The following FAT1 variants were observed in gnomAD, a reference collection of about 807,000 sequenced individuals.
FAT1 encodes FAT atypical cadherin 1.
Under a neutral mutation model 329.8 loss-of-function variants are expected in FAT1, and 171 were observed. The observed-to-expected ratio is 0.52, with a 90% CI of 0.46 to 0.59. FAT1 has a LOEUF of 0.59. Among genes scored for constraint, FAT1 ranks in the 20% least tolerant of loss-of-function variants. The pLI is 0.00. For synonymous variants in FAT1, 2,233 were observed against 2,228.6 expected (o/e 1.00, Z -0.06); for missense variants, 5,672 against 5,774.4 (o/e 0.98, Z 0.57).
chr4:186,617,134 T>C lies in FAT1; in HGVS notation c.8946A>G (p.Lys2982=), dbSNP rs1398594851. Residue 2982 remains lysine (K), a synonymous_variant, in exon 11 of 27, where the codon AAA becomes AAG. Coordinates refer to ENST00000441802, the MANE Select transcript of FAT1 (RefSeq NM_005245.4). ...IQNEWKVYVK[K]PLDREKRDNY... is the part of the protein sequence containing the mutation. ...TGTCCCTTTTTTCCCTGTCTAGAGG[T>C]TTCTTCACATATACCTTCCATTCAT... 1.2e-6 allele frequency: 2 copies of C among 1,613,714 alleles called. No individual in the cohort carries two copies. Among genetic ancestry groups the C allele is most frequent in the South Asian group, 2.2e-5 (2 of 91,064 alleles).
chr4:186,614,374 T>C (rs988912337), intron 11 of FAT1, 30 bp from the exon 12 acceptor site: 2 of 1,450,534 alleles, frequency 1.4e-6, no homozygotes, highest in Non-Finnish European at 1.8e-6. Context: ...AAACGTTACA[T>C]AAAAGCATTA....
intron 2 of FAT1, among the ~76,000 whole-genome samples, chr4:186,688,644 ACC>A (rs55969318): frequency 0.55 from 67,963 of 123,552 alleles, 16,892 homozygotes; most frequent in Middle Eastern, 0.59. Context: ...CAGCAAGAGT[ACC>A]CCCCCCGCCC....
In FAT1 at chr4:186,606,066, C is replaced by T. The variant is rs1402876880; in HGVS notation, c.10350+4G>A. The T allele has an allele frequency of 6.2e-7, 1 of 1,612,166 alleles. No individual in the cohort carries two copies. Among genetic ancestry groups the T allele is most frequent in the Admixed American group, 1.7e-5 (1 of 59,868 alleles). ...CCAGGACCACCTTGGCACTCGAAGC[C>T]CACCTGGATAATGACACTGTAGTTT... On this transcript the variant is annotated splice_donor_region_variant and intron_variant, in intron 17 of 26. Transcript: ENST00000441802.
intron 4 of FAT1, among the ~76,000 whole-genome samples, chr4:186,639,347 TCAAAAA>T (rs1740988222): frequency 6.6e-6 from 1 of 152,018 alleles, no homozygotes; most frequent in Non-Finnish European, 1.5e-5. Context: ...TAAATATATC[TCAAAAA>T]CATAATAGTA....
chr4:186,661,639 C>T (rs1405750639), intron 3 of FAT1, among the ~76,000 whole-genome samples: 1 of 152,198 alleles, frequency 6.6e-6, no homozygotes, highest in Non-Finnish European at 1.5e-5. Context: ...CTTCATCTGG[C>T]TGTTTATTTG....
rs183210911 is a variant in FAT1, at chr4:186,636,288, C to T, written c.3973-53G>A. On this transcript the variant is annotated intron_variant, in intron 5 of 26. Transcript: ENST00000441802. Reference sequence around the variant, plus strand: ...AAACAGCAAATCAGGAGTTACAACCCAGAAATGAATGAAGCACAGACTGGT... The same window carrying T: ...AAACAGCAAATCAGGAGTTACAACCTAGAAATGAATGAAGCACAGACTGGT... The T allele has an allele frequency of 3.3e-5, 50 of 1,517,220 alleles. No individual in the cohort carries two copies. In the African/African-American group the frequency reaches 6.3e-4, roughly 19 times the overall value. The allele number at this position is 1,517,220 out of a possible 1,614,324, so 94.0% of individuals were successfully genotyped here.
intron 3 of FAT1, among the ~76,000 whole-genome samples, chr4:186,640,826 C>CA (rs1332658136): frequency 2.6e-5 from 4 of 152,184 alleles, no homozygotes; most frequent in African/African-American, 9.7e-5. Context: ...CTCCCCTAAG[C>CA]ACTAAAATGT....
chr4:186,601,887 G>A lies in FAT1; in HGVS notation c.11483-461C>T, dbSNP rs545143516. Reference sequence around the variant, plus strand: ...TAACAATTGAATTTCAAAATGACAAGAGGCATACTTAACAAATCAAAAGAT... The same window carrying A: ...TAACAATTGAATTTCAAAATGACAAAAGGCATACTTAACAAATCAAAAGAT... On this transcript the variant is annotated intron_variant, in intron 20 of 26. Coordinates refer to ENST00000441802, the MANE Select transcript of FAT1 (RefSeq NM_005245.4). 2.6e-5 allele frequency among the ~76,000 whole-genome samples: 4 copies of A among 152,220 alleles called. No homozygotes were observed. In the East Asian group the frequency reaches 5.8e-4, roughly 22 times the overall value.
chr4:186,633,192 C>T (rs1740669176), intron 7 of FAT1, among the ~76,000 whole-genome samples: 1 of 151,880 alleles, frequency 6.6e-6, no homozygotes, highest in Non-Finnish European at 1.5e-5. Context: ...TTTGAAATCC[C>T]CATAATCTGG....
intron 14 of FAT1, among the ~76,000 whole-genome samples, chr4:186,610,710 T>TATAAA (rs1560931979): frequency 3.2e-5 from 2 of 61,630 alleles, no homozygotes; most frequent in Admixed American, 3.2e-4. Flanking sequence ...TAAATATAAA[T>TATAAA]TTATATAATT....
chr4:186,642,204 C>A (rs1741131370), intron 3 of FAT1, among the ~76,000 whole-genome samples: 2 of 152,156 alleles, frequency 1.3e-5, no homozygotes, highest in African/African-American at 4.8e-5. Context: ...CACTGCCTCA[C>A]CCTTCAGTTT....
intron 3 of FAT1, among the ~76,000 whole-genome samples, chr4:186,642,030 A>G (rs1741122719): frequency 6.6e-6 from 1 of 152,020 alleles, no homozygotes; most frequent in African/African-American, 2.4e-5. Flanking sequence ...AAATCCACAT[A>G]AAGCCAAAAG....
At chr4:186,697,263 C>G (rs1744082291) in intron 2 of FAT1, among the ~76,000 whole-genome samples, 3 of 152,190 alleles carry the variant, frequency 2.0e-5, no homozygotes, top group Admixed American at 1.3e-4. Flanking sequence ...TTGAACTGCA[C>G]AGGCCCATTT....
chr4:186,653,974 T>G (rs1264165414), intron 3 of FAT1, among the ~76,000 whole-genome samples: 3 of 152,182 alleles, frequency 2.0e-5, no homozygotes, highest in Non-Finnish European at 2.9e-5. Context: ...GGAATAAGAT[T>G]AGCCTGAAAA....
intron 2 of FAT1, among the ~76,000 whole-genome samples, chr4:186,699,347 CA>C (rs774718046): frequency 7.9e-5 from 12 of 152,134 alleles, no homozygotes; most frequent in Non-Finnish European, 1.6e-4. Context: ...ATGAGTAAGA[CA>C]TTCTAAAGAA....
intron 1 of FAT1, among the ~76,000 whole-genome samples, chr4:186,710,368 T>C (rs1306636647): frequency 6.6e-6 from 1 of 152,176 alleles, no homozygotes; most frequent in African/African-American, 2.4e-5. Context: ...TAAGAACAGC[T>C]TGTAATCTCA....
chr4:186,620,394 G>A lies in FAT1; in HGVS notation c.6192C>T (p.His2064=), dbSNP rs781635593. The change falls in exon 10 of 27, where the codon CAC becomes CAT. Residue 2064 remains histidine, a synonymous_variant. Coordinates refer to ENST00000441802, the MANE Select transcript of FAT1 (RefSeq NM_005245.4). ...TEEHKPSAVA[H]VVVKVIVEDQ... is the part of the protein sequence containing the mutation. ...CTTCTACAATGACCTTCACGACAAC[G>A]TGGGCCACTGCAGAAGGCTTATGTT... 6.8e-6 allele frequency: 11 copies of A among 1,613,946 alleles called. No individual in the cohort carries two copies. Among genetic ancestry groups the A allele is most frequent in the South Asian group, 2.2e-5 (2 of 91,078 alleles).
intron 9 of FAT1, among the ~76,000 whole-genome samples, chr4:186,623,946 C>T (rs1740170437): frequency 6.6e-6 from 1 of 152,146 alleles, no homozygotes; most frequent in South Asian, 2.1e-4. Flanking sequence ...AACAGGAACC[C>T]AGCTCGTGAT....
At chr4:186,716,067 A>T (rs186387649) in intron 1 of FAT1, among the ~76,000 whole-genome samples, 3 of 152,232 alleles carry the variant, frequency 2.0e-5, no homozygotes, top group African/African-American at 7.2e-5. Flanking sequence ...CAAGTCTTCG[A>T]AGGGTTTCAC....
Sources: allele counts gnomAD v4.1 joint callset (sites outside exome capture counted in the v4.1 genomes callset), GRCh38; gene constraint gnomAD v4.1.1; transcripts MANE v1.5; gene names NCBI Gene and HGNC (gene_info 2026-07-23, HGNC 2026-07-21).